Variants in SEL1L observed in about 807,000 individuals in gnomAD.
SEL1L encodes the protein protein sel-1 homolog 1.
In SEL1L, 52 loss-of-function variants were observed where a neutral mutation model predicts 109.8. The ratio of observed to expected loss-of-function variants is 0.47; its 90% confidence interval spans 0.38 to 0.60. The LOEUF (loss-of-function observed/expected upper bound fraction) is 0.60. Ranked by LOEUF, SEL1L falls within the 20% of genes least tolerant of loss-of-function variation. SEL1L has a pLI of 0.00. For missense variants in SEL1L, 749 were observed against 962.2 expected, an observed-to-expected ratio of 0.78 and a Z score of 2.93; for synonymous variants, 373 against 339.6, an observed-to-expected ratio of 1.10 and a Z score of -1.08.
At chr14:81,492,646 G>T in intron 11 of SEL1L, 98 bp from the exon 12 acceptor site, 1 of 816,134 alleles carries the variant, frequency 1.2e-6, no homozygotes, top group Non-Finnish European at 1.9e-6. Context: ...AAAAAATCTT[G>T]TTATATTACA....
intron 6 of SEL1L, among the ~76,000 whole-genome samples, chr14:81,500,246 T>A (rs1043054167): frequency 6.6e-6 from 1 of 151,922 alleles, no homozygotes; most frequent in African/African-American, 2.4e-5. Context: ...TTAATTTATT[T>A]TTTCCGAGAC....
At chr14:81,494,509 C>T (rs1247973450) in intron 11 of SEL1L, among the ~76,000 whole-genome samples, 1 of 152,214 alleles carries the variant, frequency 6.6e-6, no homozygotes. Context: ...CTGATGTGAT[C>T]AGGCACTGCT....
intron 12 of SEL1L, among the ~76,000 whole-genome samples, chr14:81,492,277 C>T (rs1344235516): frequency 6.6e-6 from 1 of 152,148 alleles, no homozygotes; most frequent in Non-Finnish European, 1.5e-5. Flanking sequence ...AGGCGTGAGC[C>T]ACCGCGCCTG....
chr14:81,487,745 T>G lies in SEL1L; in HGVS notation c.1483+110A>C. The G allele has an allele frequency of 7.2e-6, 11 of 1,536,476 alleles. 1 individual carries two copies. In the South Asian group the frequency reaches 1.4e-4, roughly 19 times the overall value. ...ACAAATCATTGAACTGGGAGAACATTTAACCAGCCAGAATTTGATAGCACC... is the reference window on the plus strand; with the variant it reads ...ACAAATCATTGAACTGGGAGAACATGTAACCAGCCAGAATTTGATAGCACC... On this transcript the variant is annotated intron_variant, in intron 15 of 20. Coordinates refer to ENST00000336735, the MANE Select transcript of SEL1L (RefSeq NM_005065.6).
At chr14:81,497,745 A>C (rs1883828604) in intron 10 of SEL1L, 147 bp downstream of exon 10, 1 of 637,152 alleles carries the variant, frequency 1.6e-6, no homozygotes, top group African/African-American at 1.9e-5. Context: ...TTTTTTTTTT[A>C]AGGGGCTCAG....
intron 3 of SEL1L, among the ~76,000 whole-genome samples, chr14:81,526,010 GT>G (rs944870173): frequency 1.3e-5 from 2 of 151,746 alleles, no homozygotes; most frequent in African/African-American, 4.8e-5. Flanking sequence ...TATATTTGTA[GT>G]AAAAAAAAAT....
chr14:81,486,202 G>T, intron 17 of SEL1L, 87 bp downstream of exon 17: 1 of 1,247,780 alleles, frequency 8.0e-7, no homozygotes, highest in Non-Finnish European at 1.1e-6. Flanking sequence ...ATGTTTCCTA[G>T]TAGCTTTTCT....
At chr14:81,527,789 G>A (rs775981447) in intron 1 of SEL1L, 51 bp from the exon 2 acceptor site, 5 of 1,255,364 alleles carry the variant, frequency 4.0e-6, no homozygotes, top group Non-Finnish European at 5.7e-6. Flanking sequence ...TGGGAAATTA[G>A]TTATTATTAA....
At position 81,475,956 on chromosome 14, in the gene SEL1L, C is replaced by T. The variant is rs1903145917; in HGVS notation, c.*1016G>A. On this transcript the variant is annotated 3_prime_UTR_variant, in exon 21 of 21. Transcript: ENST00000336735. The stretch of plus-strand genomic sequence containing the variant: ...AGTTTTAGTATTATAATAGTAGTCA[C>T]TGTAAGCCATACCCTGGCAATGATA... 6.6e-6 allele frequency: 1 copy of T among 152,170 alleles called. No homozygotes were observed. Among genetic ancestry groups the T allele is most frequent in the Non-Finnish European group, 1.5e-5 (1 of 68,040 alleles). 9.4% of individuals were successfully genotyped at this position (152,170 alleles called of 1,614,324 possible).
chr14:81,532,543 G>A (rs977465908), intron 1 of SEL1L, among the ~76,000 whole-genome samples: 2 of 152,148 alleles, frequency 1.3e-5, no homozygotes, highest in Non-Finnish European at 2.9e-5. Flanking sequence ...AATGATGTTG[G>A]CAGTAAAGTA....
chr14:81,487,315 A>AT (rs1229841862), intron 16 of SEL1L, 75 bp downstream of exon 16: 6 of 1,408,732 alleles, frequency 4.3e-6, no homozygotes, highest in South Asian at 1.5e-5. Context: ...ATACAAAAAA[A>AT]CCAGAATTGA....
At position 81,515,967 on chromosome 14, in the gene SEL1L, GA is replaced by G. The variant is rs371561489; in HGVS notation, c.341-9727del. 3.1e-3 allele frequency among the ~76,000 whole-genome samples: 468 copies of G among 152,322 alleles called. 2 individuals are homozygous for G. In the Middle Eastern group the frequency reaches 0.037, roughly 12 times the overall value. ...AAACCTTGGTGGTTCAAAGAGGACA[GA>G]AAATAGAGGAGGCCAATCACCTGGT... is the stretch of plus-strand genomic sequence containing the variant. On this transcript the variant is annotated intron_variant, in intron 3 of 20. Coordinates refer to ENST00000336735, the MANE Select transcript of SEL1L (RefSeq NM_005065.6).
chr14:81,498,573 C>A, intron 8 of SEL1L, 79 bp from the exon 9 acceptor site: 1 of 1,073,654 alleles, frequency 9.3e-7, no homozygotes, highest in Non-Finnish European at 1.4e-6. Flanking sequence ...TAAAGCTAAG[C>A]ATACCCAGAA....
chr14:81,485,842 G>A lies in SEL1L; in HGVS notation c.1799-96C>T, dbSNP rs1372551080. 3 of 954,384 alleles carry A rather than the reference G, an allele frequency of 3.1e-6. No individual in the cohort carries two copies. In the African/African-American group the frequency reaches 4.9e-5, roughly 16 times the overall value. 59.1% of individuals were successfully genotyped at this position (954,384 alleles called of 1,614,324 possible). On this transcript the variant is annotated intron_variant, in intron 17 of 20. Coordinates refer to ENST00000336735, the MANE Select transcript of SEL1L (RefSeq NM_005065.6). Reference sequence around the variant, plus strand: ...AGTAGGAAGGATAGGTGAAGCATAAGTTAAACAAGAATTAGGATATAAAAA... The same window carrying A: ...AGTAGGAAGGATAGGTGAAGCATAAATTAAACAAGAATTAGGATATAAAAA...
chr14:81,482,355 A>G (rs111597267), intron 19 of SEL1L, among the ~76,000 whole-genome samples: 11 of 152,320 alleles, frequency 7.2e-5, no homozygotes, highest in African/African-American at 2.6e-4. Context: ...TGTGATCTTT[A>G]TATTAGTCAT....
chr14:81,481,332 A>G (rs770288556), intron 19 of SEL1L, among the ~76,000 whole-genome samples: 1 of 152,204 alleles, frequency 6.6e-6, no homozygotes, highest in Non-Finnish European at 1.5e-5. Context: ...TCCCCCTCCA[A>G]ACATATTTAA....
chr14:81,482,842 A>T (rs527812266), intron 19 of SEL1L, among the ~76,000 whole-genome samples: 1 of 152,202 alleles, frequency 6.6e-6, no homozygotes, highest in East Asian at 1.9e-4. Context: ...CTTTCCCTCA[A>T]TCCTTAGGTC....
intron 14 of SEL1L, among the ~76,000 whole-genome samples, chr14:81,488,526 C>T (rs1172939326): frequency 6.6e-6 from 1 of 152,058 alleles, no homozygotes; most frequent in East Asian, 1.9e-4. Context: ...TTAGTTTCAG[C>T]CTCAAATTAA....
At position 81,533,782 on chromosome 14, in the gene SEL1L, G is replaced by A; in HGVS notation, c.-38C>T. 1 of 1,595,556 alleles carries A rather than the reference G, an allele frequency of 6.3e-7. No homozygotes were observed. Among genetic ancestry groups the A allele is most frequent in the Non-Finnish European group, 8.6e-7 (1 of 1,168,938 alleles). ...GCCGGTGCCAACCCCTAGAGCTGTC[G>A]CCTTCGCCTCTGCCACCACGGACTC... On this transcript the variant is annotated 5_prime_UTR_variant, in exon 1 of 21. Coordinates refer to ENST00000336735, the MANE Select transcript of SEL1L (RefSeq NM_005065.6).
Sources: gnomAD v4.1 joint callset for allele counts (sites outside exome capture counted in the v4.1 genomes callset) on GRCh38, gnomAD v4.1.1 for gene constraint, MANE v1.5 for transcripts, NCBI Gene and HGNC (gene_info 2026-07-23, HGNC 2026-07-21) for gene names.